The following ARL10 variants were observed in gnomAD, a reference collection of about 807,000 sequenced individuals.
The protein encoded by ARL10 is ADP-ribosylation factor-like protein 10.
ARL10 carries 23 observed loss-of-function variants against 26.1 expected under a neutral mutation model. That is an observed-to-expected ratio of 0.88 (90% CI 0.63 to 1.25). The LOEUF (loss-of-function observed/expected upper bound fraction) is 1.25, where lower values mean the gene tolerates loss of function less well. ARL10 is among the 50% of genes most tolerant of loss of function. The pLI, the probability that ARL10 is intolerant of heterozygous loss-of-function variation, is 0.00. For synonymous variants in ARL10, 138 were observed against 149.1 expected (o/e 0.93, Z 0.54); for missense variants, 300 against 323.6 (o/e 0.93, Z 0.56).
chr5:176,409,818 C>G, the ARL10 span, among the ~76,000 whole-genome samples: 6 of 152,174 alleles, frequency 3.9e-5, no homozygotes, highest in Non-Finnish European at 5.9e-5. Context: ...TATAAATAAC[C>G]CTGCAAAGAA....
At chr5:176,389,802 G>C (rs1420407526), downstream of ARL10, 2 of 252,904 alleles carry the variant, frequency 7.9e-6, no homozygotes. Context: ...TGATTTTGGA[G>C]GAAACGGACT....
At chr5:176,400,767 C>T (rs1756778322) in intron 1 of ARL10, among the ~76,000 whole-genome samples, 1 of 152,194 alleles carries the variant, frequency 6.6e-6, no homozygotes, top group African/African-American at 2.4e-5. Flanking sequence ...ATCTTCTCCA[C>T]ACAGGAGTGT....
chr5:176,414,668 G>A, the ARL10 span, among the ~76,000 whole-genome samples: 5 of 152,276 alleles, frequency 3.3e-5, no homozygotes, highest in East Asian at 5.8e-4. Flanking sequence ...CACAGCATTT[G>A]AAAGAGCATG....
chr5:176,368,212 A>C lies in ARL10; in HGVS notation c.386-595A>C, dbSNP rs2113545258. 6.6e-6 allele frequency among the ~76,000 whole-genome samples: 1 copy of C among 152,264 alleles called. No homozygotes were observed. Among genetic ancestry groups the C allele is most frequent in the Non-Finnish European group, 1.5e-5 (1 of 68,022 alleles). Reference sequence around the variant, plus strand: ...TTGGCAACCATGTGTTCATAGGATGAAATATGACATTTCCAAGGGAAAAGA... The same window carrying C: ...TTGGCAACCATGTGTTCATAGGATGCAATATGACATTTCCAAGGGAAAAGA... On this transcript the variant is annotated intron_variant, in intron 2 of 3. Coordinates refer to ENST00000310389, the MANE Select transcript of ARL10 (RefSeq NM_173664.6). The surrounding 1 kb of genome is among the most constrained non-coding windows in gnomAD (Gnocchi z 4.1).
chr5:176,386,925 C>T (rs763315500), intron 1 of ARL10: 1 of 1,611,344 alleles, frequency 6.2e-7, no homozygotes, highest in African/African-American at 1.3e-5. Flanking sequence ...GAGAACAGAG[C>T]CCTTGAGACC....
chr5:176,369,123 C>A (rs1208978883), intron 3 of ARL10, 141 bp downstream of exon 3: 1 of 1,535,836 alleles, frequency 6.5e-7, no homozygotes, highest in Admixed American at 2.0e-5. Context: ...TATGCCCTGT[C>A]CTGATCCCTG....
downstream of ARL10, chr5:176,392,603 G>T: frequency 1.5e-6 from 1 of 662,786 alleles, no homozygotes; most frequent in Non-Finnish European, 2.6e-6. This position sits in a 1 kb window ranked among gnomAD's most constrained non-coding sequence, Gnocchi z 5.2. Context: ...AGAGGGCCAG[G>T]AGGGAGCGAG....
chr5:176,366,403 G>C lies in ARL10; in HGVS notation c.207G>C (p.Glu69Asp), dbSNP rs543170732. Residue 69 changes from glutamate (E) to aspartate (D), a missense_variant, in exon 2 of 4, where the codon GAG becomes GAC. Glu to Asp is a conservative substitution (Grantham distance 45, BLOSUM62 2). Transcript: ENST00000310389. ...EWDPEDEEDE[E>D]PALEELEQRE... is the part of the protein sequence containing the mutation. ...AGCCCGAGGACGAGGAGGACGAGGA[G>C]CCGGCGCTGGAGGAGCTGGAACAGC... 9.9e-6 allele frequency: 16 copies of C among 1,610,946 alleles called. No individual in the cohort carries two copies. In the East Asian group the frequency reaches 1.1e-4, roughly 11 times the overall value.
intron 1 of ARL10, among the ~76,000 whole-genome samples, chr5:176,387,840 A>G (rs1404885655): frequency 2.0e-5 from 3 of 152,240 alleles, no homozygotes; most frequent in Non-Finnish European, 4.4e-5. Context: ...AGGAGACTGC[A>G]GTCAGGGAAG....
downstream of ARL10, chr5:176,386,605 T>G (rs1306207087): frequency 8.1e-6 from 5 of 616,718 alleles, no homozygotes; most frequent in Non-Finnish European, 1.5e-5. Flanking sequence ...GGCACCTGGG[T>G]ACATCCTCCC....
At position 176,393,739 on chromosome 5, in the gene ARL10, C is replaced by G. The variant is rs1415025957; in HGVS notation, c.134-8002C>G. ...AACTGGCGGTCCTTCATCAGAAGTTCTGGTTGACAGTCACAGAAGCCACTG... is the reference window on the plus strand; with the variant it reads ...AACTGGCGGTCCTTCATCAGAAGTTGTGGTTGACAGTCACAGAAGCCACTG... On this transcript the variant is annotated intron_variant, in intron 1 of 1. Transcript: ENST00000514533. This position sits in a 1 kb window ranked among gnomAD's most constrained non-coding sequence, Gnocchi z 4.4. 6.6e-6 allele frequency among the ~76,000 whole-genome samples: 1 copy of G among 152,166 alleles called. No individual in the cohort carries two copies. Among genetic ancestry groups the G allele is most frequent in the East Asian group, 1.9e-4 (1 of 5,184 alleles).
At chr5:176,409,870 G>A in the ARL10 span, among the ~76,000 whole-genome samples, 1 of 152,180 alleles carries the variant, frequency 6.6e-6, no homozygotes, top group Non-Finnish European at 1.5e-5. Context: ...GGAAAATTCT[G>A]GAAGTGGAAT....
At chr5:176,388,493 C>G (rs1756077296) in exon 2 of ARL10, 1 of 1,614,020 alleles carries the variant, frequency 6.2e-7, no homozygotes, top group South Asian at 1.1e-5. Context: ...TCGGTTGACA[C>G]TGTAACCAAA....
the ARL10 span, among the ~76,000 whole-genome samples, chr5:176,409,625 G>A: frequency 6.6e-6 from 1 of 151,788 alleles, no homozygotes; most frequent in Admixed American, 6.6e-5. Context: ...ATGTTGGCCA[G>A]GCTGGTCTTG....
chr5:176,396,666 T>C, intron 1 of ARL10: 1 of 738,840 alleles, frequency 1.4e-6, no homozygotes, highest in East Asian at 2.7e-5. Context: ...GGAAGCATAG[T>C]TCTGGAAGGC....
intron 1 of ARL10, chr5:176,386,972 G>T: frequency 1.4e-6 from 2 of 1,421,134 alleles, no homozygotes; most frequent in Non-Finnish European, 2.0e-6. Flanking sequence ...ATAGACTCCT[G>T]CTTATCCCAA....
chr5:176,394,639 C>T (rs1043868036), intron 1 of ARL10, among the ~76,000 whole-genome samples: 8 of 129,350 alleles, frequency 6.2e-5, no homozygotes, highest in African/African-American at 1.9e-4. Flanking sequence ...ACGGTGAAAC[C>T]CCGTCTCTAC....
At chr5:176,395,921 G>A (rs1756499792) in intron 1 of ARL10, among the ~76,000 whole-genome samples, 1 of 152,172 alleles carries the variant, frequency 6.6e-6, no homozygotes, top group African/African-American at 2.4e-5. Flanking sequence ...GATCACCTGA[G>A]GTCAGGAGTT....
At chr5:176,387,874 A>T (rs1756011023) in intron 1 of ARL10, among the ~76,000 whole-genome samples, 1 of 152,244 alleles carries the variant, frequency 6.6e-6, no homozygotes, top group Non-Finnish European at 1.5e-5. Flanking sequence ...CAGACCAAGG[A>T]TGATTGAATA....
Sources: allele counts gnomAD v4.1 joint callset (sites outside exome capture counted in the v4.1 genomes callset), GRCh38; gene constraint gnomAD v4.1.1; non-coding constraint Gnocchi (gnomAD v3.1); transcripts MANE v1.5; gene names NCBI Gene and HGNC (gene_info 2026-07-23, HGNC 2026-07-21).